Variants in TAFA1 observed in about 807,000 individuals in gnomAD.
TAFA1 encodes the protein chemokine-like protein TAFA-1.
Under a neutral mutation model 18.5 loss-of-function variants are expected in TAFA1, and 4 were observed. That is an observed-to-expected ratio of 0.22 (90% CI 0.11 to 0.49). TAFA1 has a LOEUF of 0.49. TAFA1 is among the 20% of genes least tolerant of loss of function. The probability of loss-of-function intolerance (pLI) is 0.98; values close to 1 mark genes in which losing one functional copy is unlikely to be tolerated. For missense variants in TAFA1, 147 were observed against 169.0 expected, an observed-to-expected ratio of 0.87 and a Z score of 0.72; for synonymous variants, 56 against 55.2, an observed-to-expected ratio of 1.01 and a Z score of -0.06.
intron 2 of TAFA1, among the ~76,000 whole-genome samples, chr3:68,086,853 A>G (rs1056259475): frequency 6.6e-6 from 1 of 152,206 alleles, no homozygotes; most frequent in Non-Finnish European, 1.5e-5. Flanking sequence ...GTTCTCTTAA[A>G]TCATTTACAA....
At position 68,370,286 on chromosome 3, in the gene TAFA1, CAAAAAAAAAA is replaced by C. The variant is rs71618234; in HGVS notation, c.119-46967_119-46958del. Reference sequence around the variant, plus strand: ...CTGGGCGACAAGGGAGACCCCATCTCAAAAAAAAAAAAAAAAAAAAAAAAAAAAAAAAAAA... The same window carrying C: ...CTGGGCGACAAGGGAGACCCCATCTCAAAAAAAAAAAAAAAAAAAAAAAAA... On this transcript the variant is annotated intron_variant, in intron 2 of 4. Coordinates refer to ENST00000478136, the MANE Select transcript of TAFA1 (RefSeq NM_213609.4). Among the ~76,000 whole-genome samples, 42 of 10,832 alleles carry C rather than the reference CAAAAAAAAAA, an allele frequency of 3.9e-3. 1 individual carries two copies. The highest frequency in any genetic ancestry group is 5.1e-3 in the East Asian group (1 of 196). 7.1% of individuals were successfully genotyped at this position (10,832 alleles called of 152,430 possible). A position where few individuals can be genotyped will look rare whatever the true frequency, so the allele number is the denominator to read the frequency against.
chr3:68,281,153 T>G (rs2067890683), intron 2 of TAFA1, among the ~76,000 whole-genome samples: 1 of 152,138 alleles, frequency 6.6e-6, no homozygotes, highest in Admixed American at 6.6e-5. Context: ...TCCTTTTGAT[T>G]CTTACAACAG....
In TAFA1 at chr3:68,048,842, T is replaced by C. The variant is rs559617229; in HGVS notation, c.118+42098T>C. On this transcript the variant is annotated intron_variant, in intron 2 of 4. Transcript: ENST00000478136. ...CTCTATTGTGCGTATGTACCACATT[T>C]TAAAAAATCTATTCATCTGTTGATG... 2.6e-5 allele frequency among the ~76,000 whole-genome samples: 4 copies of C among 152,318 alleles called. No individual in the cohort carries two copies. In the East Asian group the frequency reaches 7.7e-4, roughly 29 times the overall value.
chr3:68,433,665 AG>A (rs1447946429), intron 3 of TAFA1, among the ~76,000 whole-genome samples: 1 of 152,112 alleles, frequency 6.6e-6, no homozygotes. Flanking sequence ...ATCAAATCAA[AG>A]ATGGATTTAT....
chr3:68,071,311 G>A (rs1026190511), intron 2 of TAFA1, among the ~76,000 whole-genome samples: 4 of 152,206 alleles, frequency 2.6e-5, no homozygotes, highest in African/African-American at 7.2e-5. Flanking sequence ...ATGAGATCTC[G>A]TGAGACTTTT....
intron 1 of TAFA1, among the ~76,000 whole-genome samples, chr3:68,005,133 CA>C (rs1704335516): frequency 6.6e-6 from 1 of 152,014 alleles, no homozygotes; most frequent in Admixed American, 6.6e-5. Flanking sequence ...CTGTAATTTG[CA>C]GGGTATTCTG....
intron 3 of TAFA1, among the ~76,000 whole-genome samples, chr3:68,526,679 T>G (rs1157921333): frequency 2.0e-5 from 3 of 152,144 alleles, no homozygotes; most frequent in Non-Finnish European, 4.4e-5. Context: ...AATGTACTTT[T>G]TAAAACTGGG....
chr3:68,344,316 G>A (rs999423942), intron 2 of TAFA1, among the ~76,000 whole-genome samples: 1 of 152,180 alleles, frequency 6.6e-6, no homozygotes, highest in Admixed American at 6.5e-5. Flanking sequence ...ACTGTACACA[G>A]TGAAAAACTA....
At chr3:68,500,757 A>G (rs1049970269) in intron 3 of TAFA1, among the ~76,000 whole-genome samples, 2 of 152,134 alleles carry the variant, frequency 1.3e-5, no homozygotes, top group Non-Finnish European at 2.9e-5. Flanking sequence ...TGTGACCAGA[A>G]GATCACGATT....
At chr3:68,241,347 C>G (rs1392051455) in intron 2 of TAFA1, among the ~76,000 whole-genome samples, 1 of 152,006 alleles carries the variant, frequency 6.6e-6, no homozygotes, top group African/African-American at 2.4e-5. Context: ...TTCCAGATAC[C>G]CTGAGATTAG....
At chr3:68,085,333 A>G (rs974560232) in intron 2 of TAFA1, among the ~76,000 whole-genome samples, 3 of 152,366 alleles carry the variant, frequency 2.0e-5, no homozygotes, top group South Asian at 4.1e-4. Context: ...AACACTCATT[A>G]GAAACCCCTA....
intron 4 of TAFA1, 76 bp downstream of exon 4, chr3:68,538,956 C>G: frequency 6.8e-7 from 1 of 1,468,714 alleles, no homozygotes; most frequent in Non-Finnish European, 9.4e-7. Flanking sequence ...CAAACAGCAT[C>G]CACAGAAGCT....
In TAFA1 at chr3:68,202,205, T is replaced by C. The variant is rs528306809; in HGVS notation, c.118+195461T>C. 2.0e-5 allele frequency among the ~76,000 whole-genome samples: 3 copies of C among 151,828 alleles called. No individual in the cohort carries two copies. In the East Asian group the frequency reaches 5.9e-4, roughly 30 times the overall value. ...CACTTTCTTTTAAATAATATTAGCA[T>C]AGTATATTTTTCTCCATTTATTTTT... is the stretch of plus-strand genomic sequence containing the variant. On this transcript the variant is annotated intron_variant, in intron 2 of 4. Coordinates refer to ENST00000478136, the MANE Select transcript of TAFA1 (RefSeq NM_213609.4).
At chr3:68,235,808 A>G (rs910779651) in intron 2 of TAFA1, among the ~76,000 whole-genome samples, 13 of 152,180 alleles carry the variant, frequency 8.5e-5, no homozygotes, top group African/African-American at 2.7e-4. Flanking sequence ...GGTGCTTCAG[A>G]GAACCACTTC....
intron 2 of TAFA1, among the ~76,000 whole-genome samples, chr3:68,386,529 C>T (rs1401511751): frequency 6.6e-6 from 1 of 152,096 alleles, no homozygotes; most frequent in Non-Finnish European, 1.5e-5. Context: ...GTGCTATGCA[C>T]ATGATCTAGC....
intron 2 of TAFA1, among the ~76,000 whole-genome samples, chr3:68,090,728 G>C (rs188639969): frequency 1.2e-3 from 179 of 152,290 alleles, no homozygotes; most frequent in African/African-American, 3.9e-3. Flanking sequence ...ACTCAAAGAG[G>C]CTGGATGCCT....
chr3:68,457,751 T>C (rs1463717455), intron 3 of TAFA1, among the ~76,000 whole-genome samples: 1 of 152,186 alleles, frequency 6.6e-6, no homozygotes, highest in African/African-American at 2.4e-5. Flanking sequence ...AATTTCTAAC[T>C]GAAATTTTTT....
At chr3:68,079,853 A>T (rs1247463539) in intron 2 of TAFA1, among the ~76,000 whole-genome samples, 1 of 152,102 alleles carries the variant, frequency 6.6e-6, no homozygotes, top group Non-Finnish European at 1.5e-5. Context: ...GCTGAGTTCA[A>T]TTCCTGGGTA....
At chr3:68,381,377 T>A (rs370514259) in intron 2 of TAFA1, among the ~76,000 whole-genome samples, 1 of 151,708 alleles carries the variant, frequency 6.6e-6, no homozygotes, top group African/African-American at 2.4e-5. Context: ...GCCATTTTCA[T>A]GATATTGATT....
Sources: gnomAD v4.1 joint callset for allele counts (sites outside exome capture counted in the v4.1 genomes callset) on GRCh38, gnomAD v4.1.1 for gene constraint, MANE v1.5 for transcripts, NCBI Gene and HGNC (gene_info 2026-07-23, HGNC 2026-07-21) for gene names.